Variants in ZNF462 observed in about 807,000 individuals in gnomAD.
ZNF462 encodes zinc finger protein 462.
Under a neutral mutation model 201.9 loss-of-function variants are expected in ZNF462, and 10 were observed. The observed-to-expected ratio is 0.05, with a 90% CI of 0.03 to 0.08. The LOEUF is 0.08. ZNF462 is among the 10% of genes least tolerant of loss of function. ZNF462 has a pLI of 1.00. For missense variants in ZNF462, 2,523 were observed against 3,168.3 expected, an observed-to-expected ratio of 0.80 and a Z score of 4.89; for synonymous variants, 1,227 against 1,193.3, an observed-to-expected ratio of 1.03 and a Z score of -0.58.
At position 106,972,093 on chromosome 9, in the gene ZNF462, C is replaced by T; in HGVS notation, c.6516C>T (p.Ser2172=). 6.2e-7 allele frequency: 1 copy of T among 1,614,158 alleles called. No homozygotes were observed. The highest frequency in any genetic ancestry group is 8.5e-7 in the Non-Finnish European group (1 of 1,180,026). ...AALARNNSRV[S]PVPLSGAAAG... is the part of the protein sequence containing the mutation. ...TGGCAAGGAACAACAGCCGTGTTAG[C>T]CCTGTGCCTCTTTCTGGGGCTGCTG... Residue 2172 remains serine, a synonymous_variant, in exon 8 of 13, where the codon AGC becomes AGT. Transcript: ENST00000277225. The surrounding 1 kb of genome is among the most constrained non-coding windows in gnomAD (Gnocchi z 4.8).
At chr9:106,891,498 A>G (rs1019093559) in intron 1 of ZNF462, among the ~76,000 whole-genome samples, 2 of 152,130 alleles carry the variant, frequency 1.3e-5, no homozygotes, top group Non-Finnish European at 2.9e-5. Context: ...ACGGATTGAC[A>G]TTCCTTGCTT....
At chr9:106,893,877 A>C (rs889133829) in intron 1 of ZNF462, among the ~76,000 whole-genome samples, 2 of 152,242 alleles carry the variant, frequency 1.3e-5, no homozygotes, top group African/African-American at 4.8e-5. Context: ...AACGCAGGTC[A>C]GTTGCGCTCT....
At position 106,926,401 on chromosome 9, in the gene ZNF462, A is replaced by G. The variant is rs760282234; in HGVS notation, c.2489A>G (p.Asn830Ser). The part of the protein sequence containing the change: ...TQTPIYGTEH[N>S]SENTDFGDSG... ...ACTCCCATCTATGGGACTGAGCACA[A>G]TAGTGAAAACACAGACTTTGGTGAC... The change falls in exon 3 of 13, where the codon AAT becomes AGT. Residue 830 changes from asparagine (N) to serine (S), a missense_variant. Asn to Ser is a conservative substitution (Grantham distance 46). Coordinates refer to ENST00000277225, the MANE Select transcript of ZNF462 (RefSeq NM_021224.6). This position sits in a 1 kb window ranked among gnomAD's most constrained non-coding sequence, Gnocchi z 7.9. The G allele has an allele frequency of 1.2e-6, 2 of 1,614,212 alleles. No individual in the cohort carries two copies. Among genetic ancestry groups the G allele is most frequent in the South Asian group, 1.1e-5 (1 of 91,076 alleles).
chr9:106,873,445 C>G (rs1384266006), intron 1 of ZNF462, among the ~76,000 whole-genome samples: 1 of 151,410 alleles, frequency 6.6e-6, no homozygotes, highest in Admixed American at 6.6e-5. Context: ...AGGTGTTGTA[C>G]TTTTTTTCTT....
chr9:106,934,547 A>C (rs1830552349), intron 5 of ZNF462, among the ~76,000 whole-genome samples: 1 of 152,226 alleles, frequency 6.6e-6, no homozygotes, highest in African/African-American at 2.4e-5. Context: ...TGTTTTGTAG[A>C]AAACTCTCTG....
intron 10 of ZNF462, among the ~76,000 whole-genome samples, chr9:107,002,552 C>T (rs1829270146): frequency 6.6e-6 from 1 of 152,082 alleles, no homozygotes; most frequent in Non-Finnish European, 1.5e-5. Context: ...TTTTTGTTCC[C>T]CTCCAATGAT....
At chr9:106,864,059 T>G (rs1045276535) in intron 1 of ZNF462, among the ~76,000 whole-genome samples, 11 of 83,942 alleles carry the variant, frequency 1.3e-4, no homozygotes, top group East Asian at 3.0e-4. Context: ...TCTCTCTCTC[T>G]CTCTCTCTCT....
chr9:106,877,388 CATT>C (rs893496032), intron 1 of ZNF462, among the ~76,000 whole-genome samples: 2 of 126,064 alleles, frequency 1.6e-5, no homozygotes, highest in African/African-American at 6.0e-5. Context: ...TTATTATTAT[CATT>C]ATTATTACTA....
intron 1 of ZNF462, among the ~76,000 whole-genome samples, chr9:106,903,844 A>G (rs1829158950): frequency 6.6e-6 from 1 of 152,144 alleles, no homozygotes; most frequent in Admixed American, 6.5e-5. Flanking sequence ...AAGGCAGCAG[A>G]TAGTTGGTTG....
intron 5 of ZNF462, among the ~76,000 whole-genome samples, chr9:106,934,353 ATAGTAGC>A (rs964756423): frequency 9.9e-5 from 15 of 152,182 alleles, no homozygotes; most frequent in African/African-American, 3.1e-4. Flanking sequence ...AGAAGCAATA[ATAGTAGC>A]TAGTTCAAGA....
chr9:106,931,554 A>G (rs1180214507), intron 4 of ZNF462, among the ~76,000 whole-genome samples: 2 of 152,176 alleles, frequency 1.3e-5, no homozygotes, highest in Non-Finnish European at 2.9e-5. Flanking sequence ...GTCTTTTGGC[A>G]GAACAGTGGC....
At chr9:106,955,332 G>C (rs185937748) in intron 7 of ZNF462, among the ~76,000 whole-genome samples, 1 of 152,166 alleles carries the variant, frequency 6.6e-6, no homozygotes, top group Non-Finnish European at 1.5e-5. Context: ...CTATACTGTA[G>C]TTTACTAAGT....
chr9:106,952,223 C>T (rs1831382981), intron 7 of ZNF462, among the ~76,000 whole-genome samples: 1 of 152,134 alleles, frequency 6.6e-6, no homozygotes, highest in Non-Finnish European at 1.5e-5. Flanking sequence ...TTAGTTAAAG[C>T]ATTTACCCTC....
intron 1 of ZNF462, among the ~76,000 whole-genome samples, chr9:106,899,239 T>G (rs868772899): frequency 0.013 from 730 of 57,432 alleles, 14 homozygotes; most frequent in Admixed American, 0.062. Context: ...TGTGTGTGTG[T>G]GGGGGGGGGG....
At chr9:106,901,165 G>GA (rs1327404809) in intron 1 of ZNF462, among the ~76,000 whole-genome samples, 3 of 152,084 alleles carry the variant, frequency 2.0e-5, no homozygotes, top group Admixed American at 6.6e-5. Flanking sequence ...ACCATTTGTT[G>GA]AAAAGGATGT....
At chr9:106,869,300 C>A (rs1037128579) in intron 1 of ZNF462, among the ~76,000 whole-genome samples, 5 of 152,164 alleles carry the variant, frequency 3.3e-5, no homozygotes, top group Non-Finnish European at 7.3e-5. Context: ...CTCCGTGTAT[C>A]TTCTTGGAGC....
chr9:106,865,720 A>G lies in ZNF462; in HGVS notation c.-31+2365A>G, dbSNP rs551186957. On this transcript the variant is annotated intron_variant, in intron 1 of 12. Transcript: ENST00000277225. The surrounding 1 kb of genome is among the most constrained non-coding windows in gnomAD (Gnocchi z 4.1). ...GTCGCTATGGAAACAAATTTTAAAA[A>G]CATGATGTCAGTTGAGAAAACCTTA... Among the ~76,000 whole-genome samples the G allele has an allele frequency of 6.6e-6, 1 of 152,222 alleles. No individual in the cohort carries two copies. The highest frequency in any genetic ancestry group is 1.5e-5 in the Non-Finnish European group (1 of 68,042).
chr9:106,889,007 C>T (rs1182235438), intron 1 of ZNF462, among the ~76,000 whole-genome samples: 1 of 152,234 alleles, frequency 6.6e-6, no homozygotes, highest in African/African-American at 2.4e-5. Flanking sequence ...TCCCCTTTCA[C>T]TTTAACAGAA....
At position 107,012,439 on chromosome 9, in the gene ZNF462, C is replaced by CTTTTTTTTTTTTTTTTT. The variant is rs962253808; in HGVS notation, c.*1418_*1434dup. ...GCCTGGAGAACTACTTTCTTTCTTT[C>CTTTTTTTTTTTTTTTTT]TTTTTTTTTTTTTTTTTTTTTTTTT... On this transcript the variant is annotated 3_prime_UTR_variant, in exon 13 of 13. Coordinates refer to ENST00000277225, the MANE Select transcript of ZNF462 (RefSeq NM_021224.6). The CTTTTTTTTTTTTTTTTT allele has an allele frequency of 2.3e-5, 2 of 86,308 alleles. No individual in the cohort carries two copies. Among genetic ancestry groups the CTTTTTTTTTTTTTTTTT allele is most frequent in the African/African-American group, 8.5e-5 (2 of 23,490 alleles). The allele number at this position is 86,308 out of a possible 1,614,324, so 5.3% of individuals were successfully genotyped here. A position where few individuals can be genotyped will look rare whatever the true frequency, so the allele number is the denominator to read the frequency against.
Sources: gnomAD v4.1 joint callset for allele counts (sites outside exome capture counted in the v4.1 genomes callset) on GRCh38, gnomAD v4.1.1 for gene constraint, Gnocchi (gnomAD v3.1) non-coding constraint, MANE v1.5 for transcripts, NCBI Gene and HGNC (gene_info 2026-07-23, HGNC 2026-07-21) for gene names.